The following RASSF6 variants were observed in gnomAD, a reference collection of about 807,000 sequenced individuals.
RASSF6 encodes Ras association domain family member 6.
A neutral mutation model predicts 44.0 loss-of-function variants in RASSF6; 52 were observed. The ratio of observed to expected loss-of-function variants is 1.18; its 90% CI spans 0.95 to 1.49. The LOEUF is 1.49. Ranked by LOEUF, RASSF6 falls within the 40% of genes most tolerant of loss-of-function variation. The probability of loss-of-function intolerance (pLI) is 0.00; values close to 1 mark genes in which losing one functional copy is unlikely to be tolerated. For missense variants in RASSF6, 464 were observed against 393.3 expected (o/e 1.18, Z -1.52); for synonymous variants, 162 against 124.6 (o/e 1.30, Z -2.00).
In RASSF6 at chr4:73,571,571, A is replaced by AT. The variant is rs1255587803; in HGVS notation, c.*4663dup. The AT allele has an allele frequency of 6.6e-6, 1 of 151,928 alleles. No individual in the cohort carries two copies. Among genetic ancestry groups the AT allele is most frequent in the Non-Finnish European group, 1.5e-5 (1 of 67,988 alleles). 9.4% of individuals were successfully genotyped at this position (151,928 alleles called of 1,614,324 possible). A position where few individuals can be genotyped will look rare whatever the true frequency, so the allele number is the denominator to read the frequency against. On this transcript the variant is annotated 3_prime_UTR_variant, in exon 11 of 11. Transcript: ENST00000307439. ...CATATATATATATATAATGTTTAAT[A>AT]TTTTTTCAGCTATGGGACCAGACTT...
intron 2 of RASSF6, among the ~76,000 whole-genome samples, chr4:73,609,893 C>T (rs1277269147): frequency 6.6e-6 from 1 of 152,064 alleles, no homozygotes; most frequent in Non-Finnish European, 1.5e-5. Flanking sequence ...TTAATCCTTT[C>T]CTATGGTGAG....
chr4:73,576,297 T>C lies in RASSF6; in HGVS notation c.952A>G (p.Lys318Glu). The change falls in exon 11 of 11, where the codon AAG becomes GAG. Residue 318 changes from lysine (K) to glutamate (E), a missense_variant. By Grantham distance (56) the Lys-to-Glu change is moderately conservative (BLOSUM62 1). Coordinates refer to ENST00000307439, the MANE Select transcript of RASSF6 (RefSeq NM_177532.5). The part of the protein sequence containing the change: ...QRIVTKFNKE[K>E]AIILKCLQNK... The stretch of plus-strand genomic sequence containing the variant: ...TGAAGACATTTCAGTATAATCGCCT[T>C]TTCTTTATTGAATCTGAAAATGAGA... The C allele has an allele frequency of 6.4e-7, 1 of 1,557,976 alleles. No individual in the cohort carries two copies.
At chr4:73,617,764 T>C (rs1166045758) in intron 1 of RASSF6, among the ~76,000 whole-genome samples, 2 of 152,242 alleles carry the variant, frequency 1.3e-5, no homozygotes, top group Non-Finnish European at 2.9e-5. Context: ...TAATTTATCA[T>C]TTTAAACATA....
At chr4:73,614,298 T>C (rs1726206459) in intron 1 of RASSF6, among the ~76,000 whole-genome samples, 1 of 152,240 alleles carries the variant, frequency 6.6e-6, no homozygotes, top group Admixed American at 6.5e-5. Context: ...TGAATGTTTG[T>C]GTCCCCACAA....
intron 5 of RASSF6, 30 bp downstream of exon 5, chr4:73,587,810 T>G: frequency 7.2e-7 from 1 of 1,386,124 alleles, no homozygotes; most frequent in Non-Finnish European, 1.0e-6. Flanking sequence ...AAAAATTAAG[T>G]CTCCCAATCA....
At chr4:73,613,951 G>T (rs911283689) in intron 1 of RASSF6, among the ~76,000 whole-genome samples, 2 of 152,048 alleles carry the variant, frequency 1.3e-5, no homozygotes, top group East Asian at 1.9e-4. Flanking sequence ...AGCTCCAGAC[G>T]CATGTCACCA....
intron 6 of RASSF6, among the ~76,000 whole-genome samples, chr4:73,584,300 C>T (rs955149804): frequency 2.0e-5 from 3 of 151,970 alleles, no homozygotes; most frequent in Non-Finnish European, 4.4e-5. Flanking sequence ...TATTAAAGGC[C>T]TCAGAAGATA....
chr4:73,579,312 GGTCAA>G (rs1344957410), intron 8 of RASSF6, among the ~76,000 whole-genome samples: 2 of 152,012 alleles, frequency 1.3e-5, no homozygotes, highest in Non-Finnish European at 2.9e-5. Context: ...CAAATGGAAT[GGTCAA>G]GTTAAAGGAC....
At chr4:73,594,685 C>T (rs1724813393) in intron 3 of RASSF6, among the ~76,000 whole-genome samples, 1 of 152,214 alleles carries the variant, frequency 6.6e-6, no homozygotes, top group Non-Finnish European at 1.5e-5. Context: ...TTTGACTTTA[C>T]ATTTCAGATT....
chr4:73,601,968 T>C (rs1431529194), intron 2 of RASSF6, among the ~76,000 whole-genome samples: 3 of 152,142 alleles, frequency 2.0e-5, no homozygotes, highest in Non-Finnish European at 4.4e-5. Flanking sequence ...GGGTGAGAGC[T>C]TTAAGGAATA....
chr4:73,600,882 T>C (rs1725238936), intron 2 of RASSF6, among the ~76,000 whole-genome samples: 1 of 152,218 alleles, frequency 6.6e-6, no homozygotes, highest in Admixed American at 6.5e-5. Context: ...TTCCTAAAAA[T>C]TATACTACTG....
At chr4:73,583,078 G>A (rs902145566) in intron 6 of RASSF6, among the ~76,000 whole-genome samples, 1 of 152,000 alleles carries the variant, frequency 6.6e-6, no homozygotes, top group Non-Finnish European at 1.5e-5. Flanking sequence ...TTGTACACGT[G>A]GTTTGATGTT....
chr4:73,584,533 TA>T (rs1321461137), intron 6 of RASSF6, among the ~76,000 whole-genome samples: 2 of 152,166 alleles, frequency 1.3e-5, no homozygotes, highest in Non-Finnish European at 2.9e-5. Context: ...CAACTACACT[TA>T]TATAAAAACG....
At chr4:73,600,341 A>T (rs1040313782) in intron 2 of RASSF6, among the ~76,000 whole-genome samples, 1 of 152,132 alleles carries the variant, frequency 6.6e-6, no homozygotes. Flanking sequence ...TGCCTAAACA[A>T]CAATAAACAA....
chr4:73,616,742 A>G (rs1313568632), intron 1 of RASSF6, among the ~76,000 whole-genome samples: 1 of 152,242 alleles, frequency 6.6e-6, no homozygotes, highest in East Asian at 1.9e-4. Context: ...CAATTATGAG[A>G]TAAGAGTATG....
chr4:73,578,640 T>C (rs909634682), intron 8 of RASSF6, among the ~76,000 whole-genome samples: 6 of 146,800 alleles, frequency 4.1e-5, no homozygotes, highest in African/African-American at 1.3e-4. Context: ...TTTTTTCTCT[T>C]TTTTTTTTTT....
At chr4:73,578,103 T>C (rs1046789827) in intron 8 of RASSF6, among the ~76,000 whole-genome samples, 5 of 151,924 alleles carry the variant, frequency 3.3e-5, no homozygotes, top group African/African-American at 1.2e-4. Flanking sequence ...AAATGGGATT[T>C]TTATAGGTGA....
At chr4:73,579,551 CTT>C (rs1222532843) in intron 8 of RASSF6, among the ~76,000 whole-genome samples, 1 of 152,066 alleles carries the variant, frequency 6.6e-6, no homozygotes, top group African/African-American at 2.4e-5. Flanking sequence ...GAATTTAAGA[CTT>C]TTCTAAAACT....
intron 1 of RASSF6, among the ~76,000 whole-genome samples, chr4:73,617,640 A>G (rs1050063049): frequency 6.6e-6 from 1 of 152,206 alleles, no homozygotes; most frequent in Admixed American, 6.5e-5. Flanking sequence ...GTTTTCCTTT[A>G]AGTTAACATC....
Sources: allele counts gnomAD v4.1 joint callset (sites outside exome capture counted in the v4.1 genomes callset), GRCh38; gene constraint gnomAD v4.1.1; transcripts MANE v1.5; gene names NCBI Gene and HGNC (gene_info 2026-07-23, HGNC 2026-07-21).